The following LRRC4C variants were observed in gnomAD, a reference collection of about 807,000 sequenced individuals.
The protein encoded by LRRC4C is leucine-rich repeat-containing protein 4C.
Under a neutral mutation model 33.6 loss-of-function variants are expected in LRRC4C, and 5 were observed. The ratio of observed to expected loss-of-function variants is 0.15; its 90% CI spans 0.08 to 0.31. The LOEUF is 0.31. Ranked by LOEUF, LRRC4C falls within the 10% of genes least tolerant of loss-of-function variation. LRRC4C has a pLI of 1.00. For synonymous variants in LRRC4C, 329 were observed against 302.0 expected (o/e 1.09, Z -0.93); for missense variants, 560 against 796.7 (o/e 0.70, Z 3.58).
intron 1 of LRRC4C, among the ~76,000 whole-genome samples, chr11:41,252,782 A>C (rs973925526): frequency 6.6e-6 from 1 of 152,172 alleles, no homozygotes; most frequent in African/African-American, 2.4e-5. Context: ...AAGGTGAACG[A>C]GGAGCAAAGT....
At chr11:41,457,031 T>G (rs955230324) in intron 1 of LRRC4C, among the ~76,000 whole-genome samples, 1 of 152,244 alleles carries the variant, frequency 6.6e-6, no homozygotes, top group African/African-American at 2.4e-5. Context: ...AAAGTGTTGC[T>G]ATCGCTAAAA....
At chr11:41,403,660 C>T (rs1343052450) in intron 1 of LRRC4C, among the ~76,000 whole-genome samples, 1 of 152,054 alleles carries the variant, frequency 6.6e-6, no homozygotes, top group Non-Finnish European at 1.5e-5. Flanking sequence ...CTTGGCTCTT[C>T]CCTGAGGGTG....
chr11:41,279,426 A>ACCCCCC (rs758334311), intron 1 of LRRC4C, among the ~76,000 whole-genome samples: 72 of 113,274 alleles, frequency 6.4e-4, no homozygotes, highest in East Asian at 3.0e-3. Flanking sequence ...ACACACACAC[A>ACCCCCC]CACCGTGGCA....
intron 5 of LRRC4C, among the ~76,000 whole-genome samples, chr11:40,217,968 C>A (rs1171433700): frequency 6.6e-6 from 1 of 152,060 alleles, no homozygotes; most frequent in Non-Finnish European, 1.5e-5. Context: ...GCAAAGCAAT[C>A]AGATTCGTTT....
intron 1 of LRRC4C, among the ~76,000 whole-genome samples, chr11:41,364,481 G>C (rs950942967): frequency 1.3e-5 from 2 of 152,010 alleles, no homozygotes; most frequent in African/African-American, 4.8e-5. Flanking sequence ...TCACCATGTT[G>C]GCCAGGCTGG....
At chr11:41,438,090 A>G (rs1955499856) in intron 1 of LRRC4C, among the ~76,000 whole-genome samples, 1 of 151,588 alleles carries the variant, frequency 6.6e-6, no homozygotes, top group South Asian at 2.1e-4. Flanking sequence ...AAATAATTAC[A>G]ATATGGTACC....
intron 3 of LRRC4C, among the ~76,000 whole-genome samples, chr11:40,485,705 T>G (rs1263178938): frequency 6.6e-6 from 1 of 151,996 alleles, no homozygotes; most frequent in Non-Finnish European, 1.5e-5. Flanking sequence ...CACATGCACA[T>G]GTATGTTCAT....
intron 2 of LRRC4C, among the ~76,000 whole-genome samples, chr11:40,737,544 C>A (rs79395656): frequency 6.6e-6 from 1 of 150,898 alleles, no homozygotes; most frequent in Admixed American, 6.6e-5. Flanking sequence ...GATCTACGTG[C>A]GAAAATCACA....
intron 1 of LRRC4C, among the ~76,000 whole-genome samples, chr11:41,219,493 T>C (rs1008749005): frequency 6.6e-6 from 1 of 152,238 alleles, no homozygotes; most frequent in African/African-American, 2.4e-5. Context: ...TCACACATTC[T>C]TGAAGTCCAG....
chr11:40,594,249 T>G (rs935404268), intron 3 of LRRC4C, among the ~76,000 whole-genome samples: 3 of 152,258 alleles, frequency 2.0e-5, no homozygotes, highest in African/African-American at 7.2e-5. Flanking sequence ...CCTTGCAGTG[T>G]GCCCAGCACT....
intron 3 of LRRC4C, among the ~76,000 whole-genome samples, chr11:40,388,440 G>A (rs1013123779): frequency 2.0e-5 from 3 of 152,130 alleles, no homozygotes; most frequent in Non-Finnish European, 4.4e-5. Context: ...GTTGCGCTTG[G>A]AGGGATGAAA....
rs531320219 is a variant in LRRC4C at position 40,215,516 on chromosome 11, A to G, written c.-96+26003T>C. Among the ~76,000 whole-genome samples, 7 of 152,336 alleles carry G rather than the reference A, an allele frequency of 4.6e-5. No homozygotes were observed. In the East Asian group the frequency reaches 1.2e-3, roughly 25 times the overall value. ...TGAAACAGGCTTTTAAATCATGCCC[A>G]GTAAAACTAAATTCTATCCTTAGGG... On this transcript the variant is annotated intron_variant, in intron 5 of 6. Transcript: ENST00000528697.
intron 2 of LRRC4C, among the ~76,000 whole-genome samples, chr11:40,775,194 A>G (rs934500152): frequency 6.6e-6 from 1 of 152,078 alleles, no homozygotes; most frequent in Non-Finnish European, 1.5e-5. Context: ...ATGGATCATG[A>G]GGTCAGGAGA....
chr11:40,537,440 T>C (rs974512712), intron 3 of LRRC4C, among the ~76,000 whole-genome samples: 6 of 152,204 alleles, frequency 3.9e-5, no homozygotes, highest in African/African-American at 9.6e-5. Context: ...GCCACAATTG[T>C]CACTTCCCCA....
chr11:40,738,029 A>G (rs992083354), intron 2 of LRRC4C, among the ~76,000 whole-genome samples: 17 of 152,174 alleles, frequency 1.1e-4, no homozygotes, highest in African/African-American at 3.9e-4. Flanking sequence ...AGATATCTAG[A>G]CCAATGGAAC....
At chr11:40,197,442 C>T (rs1014888583) in intron 5 of LRRC4C, among the ~76,000 whole-genome samples, 1 of 152,286 alleles carries the variant, frequency 6.6e-6, no homozygotes, top group Non-Finnish European at 1.5e-5. Context: ...GCATTATATC[C>T]TTTTCTTGCT....
chr11:40,991,158 G>A (rs1287041238), intron 1 of LRRC4C, among the ~76,000 whole-genome samples: 4 of 145,268 alleles, frequency 2.8e-5, no homozygotes, highest in African/African-American at 7.7e-5. Context: ...TCAGAATTGT[G>A]GAAGACTTGT....
At chr11:40,652,020 C>G (rs1465560067) in intron 2 of LRRC4C, among the ~76,000 whole-genome samples, 1 of 152,168 alleles carries the variant, frequency 6.6e-6, no homozygotes, top group Admixed American at 6.5e-5. Context: ...CCATTCTTTA[C>G]AAAAACTCAA....
At chr11:41,260,834 A>G (rs1948958138) in intron 1 of LRRC4C, among the ~76,000 whole-genome samples, 2 of 152,068 alleles carry the variant, frequency 1.3e-5, no homozygotes, top group South Asian at 4.1e-4. Context: ...TTCTCCAGGT[A>G]CCTAAAAGTT....
Sources: allele counts gnomAD v4.1 joint callset (sites outside exome capture counted in the v4.1 genomes callset), GRCh38; gene constraint gnomAD v4.1.1; transcripts MANE v1.5; gene names NCBI Gene and HGNC (gene_info 2026-07-23, HGNC 2026-07-21).